PEX14: variants seen among roughly 807,000 people sequenced by gnomAD.
PEX14 encodes peroxisomal biogenesis factor 14.
A neutral mutation model predicts 49.5 loss-of-function variants in PEX14; 15 were observed. The observed-to-expected ratio is 0.30, with a 90% CI of 0.20 to 0.47. The LOEUF (loss-of-function observed/expected upper bound fraction) is 0.47, where lower values mean the gene tolerates loss of function less well. Ranked by LOEUF, PEX14 falls within the 20% of genes least tolerant of loss-of-function variation. The pLI is 1.00. For missense variants in PEX14, 398 were observed against 494.8 expected, an observed-to-expected ratio of 0.80 and a Z score of 1.86; for synonymous variants, 210 against 212.7, an observed-to-expected ratio of 0.99 and a Z score of 0.11.
intron 3 of PEX14, among the ~76,000 whole-genome samples, chr1:10,549,140 T>A (rs559755264): frequency 3.2e-4 from 49 of 152,126 alleles, no homozygotes; most frequent in African/African-American, 1.1e-3. Flanking sequence ...AAAAAAAAAA[T>A]CATGACCCTC....
chr1:10,563,005 G>T (rs1461184454), intron 3 of PEX14, among the ~76,000 whole-genome samples: 1 of 149,770 alleles, frequency 6.7e-6, no homozygotes. Flanking sequence ...TCCATCTCCC[G>T]GGTTCAAGCA....
rs1296994664 is a variant in PEX14 at position 10,623,170 on chromosome 1, C to T, written c.487+49C>T. On this transcript the variant is annotated intron_variant, in intron 6 of 8. Coordinates refer to ENST00000356607, the MANE Select transcript of PEX14 (RefSeq NM_004565.3). The surrounding 1 kb of genome is among the most constrained non-coding windows in gnomAD (Gnocchi z 4.4). Reference sequence around the variant, plus strand: ...GTCACCCCTCACAGCCTTCTCCAAGCAGCCCCTTCTCTGCCCCTCCCCTCT... The same window carrying T: ...GTCACCCCTCACAGCCTTCTCCAAGTAGCCCCTTCTCTGCCCCTCCCCTCT... 2.4e-6 allele frequency: 3 copies of T among 1,268,344 alleles called. No individual in the cohort carries two copies. The highest frequency in any genetic ancestry group is 2.9e-5 in the African/African-American group (2 of 68,470). 78.6% of individuals were successfully genotyped at this position (1,268,344 alleles called of 1,614,324 possible).
chr1:10,560,719 T>C (rs550193625), intron 3 of PEX14, among the ~76,000 whole-genome samples: 1,221 of 62,130 alleles, frequency 0.02, 31 homozygotes, highest in South Asian at 0.051. Flanking sequence ...TTTTGCCACC[T>C]TTTTTTTTTT....
At chr1:10,565,901 A>G (rs1310426017) in intron 3 of PEX14, among the ~76,000 whole-genome samples, 1 of 152,230 alleles carries the variant, frequency 6.6e-6, no homozygotes, top group Admixed American at 6.5e-5. Flanking sequence ...GCTACTTGGG[A>G]GGCTGAGGTG....
intron 1 of PEX14, among the ~76,000 whole-genome samples, chr1:10,485,811 A>T (rs916143836): frequency 3.4e-5 from 5 of 148,824 alleles, no homozygotes; most frequent in Admixed American, 3.4e-4. Context: ...GCTGGAGTGC[A>T]GTGGCGTGAT....
chr1:10,579,356 G>A (rs1031109107), intron 3 of PEX14, among the ~76,000 whole-genome samples: 1 of 152,066 alleles, frequency 6.6e-6, no homozygotes, highest in Non-Finnish European at 1.5e-5. Context: ...GAGAGAAATT[G>A]TCACCAGCAG....
At chr1:10,524,214 GAA>G (rs1638395877) in intron 2 of PEX14, among the ~76,000 whole-genome samples, 1 of 152,196 alleles carries the variant, frequency 6.6e-6, no homozygotes, top group Non-Finnish European at 1.5e-5. Context: ...GAGAGAGAGA[GAA>G]AGGACAGTGA....
intron 3 of PEX14, among the ~76,000 whole-genome samples, chr1:10,577,180 G>A (rs997394873): frequency 1.1e-5 from 1 of 89,958 alleles, no homozygotes; most frequent in South Asian, 3.4e-4. Flanking sequence ...GGCAGAGGCA[G>A]GTGGATAACA....
Position 10,514,168 on chromosome 1 carries a change from G to C in PEX14, c.84+18847G>C, listed in dbSNP as rs907008642. On this transcript the variant is annotated intron_variant, in intron 2 of 8. Coordinates refer to ENST00000356607, the MANE Select transcript of PEX14 (RefSeq NM_004565.3). This position sits in a 1 kb window ranked among gnomAD's most constrained non-coding sequence, Gnocchi z 4.4. ...ATAATCTATGCCTCTGTGTGTGTGT[G>C]TGTGTGTGTGTGTGTGTGTGTGTGT... 1.4e-4 allele frequency among the ~76,000 whole-genome samples: 21 copies of C among 150,876 alleles called. No homozygotes were observed. Among genetic ancestry groups the C allele is most frequent in the East Asian group, 3.9e-4 (2 of 5,138 alleles).
intron 1 of PEX14, among the ~76,000 whole-genome samples, chr1:10,480,200 GT>G (rs113715331): frequency 0.71 from 100,574 of 142,292 alleles, 34,459 homozygotes; most frequent in African/African-American, 0.75. Context: ...CCCTCTCAAT[GT>G]TTTTTTTTTT....
intron 3 of PEX14, among the ~76,000 whole-genome samples, chr1:10,595,793 A>G (rs538711521): frequency 7.2e-5 from 11 of 152,328 alleles, no homozygotes; most frequent in Admixed American, 5.9e-4. Flanking sequence ...TCTAATTTGC[A>G]TGAGATTATT....
At chr1:10,596,734 A>C (rs1640843598) in intron 3 of PEX14, among the ~76,000 whole-genome samples, 1 of 152,186 alleles carries the variant, frequency 6.6e-6, no homozygotes, top group Non-Finnish European at 1.5e-5. Context: ...CCCGGCTCTG[A>C]ATGTGATTCA....
Position 10,481,616 on chromosome 1 carries a change from T to C in PEX14, c.36+6614T>C, listed in dbSNP as rs551263142. ...ACTATGATGCCCAGCTAATTATTTT[T>C]TGTAGAGGTCGGGTCTCGCTGTGTC... is the stretch of plus-strand genomic sequence containing the variant. On this transcript the variant is annotated intron_variant, in intron 1 of 8. Transcript: ENST00000356607. 5.3e-5 allele frequency among the ~76,000 whole-genome samples: 8 copies of C among 151,894 alleles called. No individual in the cohort carries two copies. In the South Asian group the frequency reaches 1.7e-3, roughly 32 times the overall value.
chr1:10,480,046 T>G (rs1435278959), intron 1 of PEX14, among the ~76,000 whole-genome samples: 1 of 152,044 alleles, frequency 6.6e-6, no homozygotes, highest in Non-Finnish European at 1.5e-5. Context: ...ATAATTACCC[T>G]TTTAGTGTTG....
intron 3 of PEX14, among the ~76,000 whole-genome samples, chr1:10,547,670 T>C (rs886210858): frequency 2.6e-5 from 4 of 152,164 alleles, no homozygotes; most frequent in East Asian, 1.9e-4. Context: ...ATAAAAGTAA[T>C]GTGAATGGAC....
At position 10,591,635 on chromosome 1, in the gene PEX14, CTGTGTGTGTGTGTGTG is replaced by C. The variant is rs61635531; in HGVS notation, c.170-7576_170-7561del. Among the ~76,000 whole-genome samples the C allele has an allele frequency of 4.6e-4, 64 of 139,734 alleles. 1 individual carries two copies. The highest frequency in any genetic ancestry group is 6.7e-4 in the African/African-American group (25 of 37,302). 91.7% of individuals were successfully genotyped at this position (139,734 alleles called of 152,430 possible). A position where few individuals can be genotyped will look rare whatever the true frequency, so the allele number is the denominator to read the frequency against. Reference sequence around the variant, plus strand: ...CCTCCTTTTCTTTCAGGTATACACACTGTGTGTGTGTGTGTGTGTGTGTGTGTGTGTGTGTGTGTGT... The same window carrying C: ...CCTCCTTTTCTTTCAGGTATACACACTGTGTGTGTGTGTGTGTGTGTGTGT... On this transcript the variant is annotated intron_variant, in intron 3 of 8. Transcript: ENST00000356607.
intron 2 of PEX14, among the ~76,000 whole-genome samples, chr1:10,531,537 G>T (rs996154997): frequency 6.6e-6 from 1 of 152,152 alleles, no homozygotes; most frequent in African/African-American, 2.4e-5. Context: ...AGCAGCGCAC[G>T]TGGAGCAGTG....
At chr1:10,548,652 CT>C (rs1472443689) in intron 3 of PEX14, among the ~76,000 whole-genome samples, 1 of 152,006 alleles carries the variant, frequency 6.6e-6, no homozygotes, top group African/African-American at 2.4e-5. Context: ...TGATGGTGTG[CT>C]TCTATTTTAA....
rs1640109768 is a variant in PEX14 at position 10,576,125 on chromosome 1, A to C, written c.170-23113A>C. Among the ~76,000 whole-genome samples, 3 of 152,134 alleles carry C rather than the reference A, an allele frequency of 2.0e-5. No homozygotes were observed. In the South Asian group the frequency reaches 6.2e-4, roughly 32 times the overall value. ...TTTAAATACCCTTTATATATTAAGA[A>C]TATTAGTTCTTGGCCATGTTTGCAA... On this transcript the variant is annotated intron_variant, in intron 3 of 8. Transcript: ENST00000356607.
Sources: allele counts gnomAD v4.1 joint callset (sites outside exome capture counted in the v4.1 genomes callset), GRCh38; gene constraint gnomAD v4.1.1; non-coding constraint Gnocchi (gnomAD v3.1); transcripts MANE v1.5; gene names NCBI Gene and HGNC (gene_info 2026-07-23, HGNC 2026-07-21).